LCMT1: variants seen among roughly 807,000 people sequenced by gnomAD.
LCMT1 encodes the protein [Phosphatase 2A protein]-leucine-carboxy methyltransferase 1.
LCMT1 carries 32 observed loss-of-function variants against 47.7 expected under a neutral mutation model. The ratio of observed to expected loss-of-function variants is 0.67; its 90% CI spans 0.51 to 0.90. The LOEUF (loss-of-function observed/expected upper bound fraction) is 0.90, where lower values mean the gene tolerates loss of function less well. LCMT1 is among the 40% of genes least tolerant of loss of function. The pLI is 0.00. For synonymous variants in LCMT1, 152 were observed against 149.7 expected (o/e 1.02, Z -0.11); for missense variants, 375 against 415.2 (o/e 0.90, Z 0.84).
rs950428576 is a variant in LCMT1 at position 25,112,014 on chromosome 16, G to C, written c.113+18G>C. On this transcript the variant is annotated intron_variant, in intron 1 of 10. Transcript: ENST00000399069. ...TGCAAGAGGTGCCTGTCGGGCGCGG[G>C]GTTCGGGGCCGGCATCTGGGGCGCG... 6.3e-7 allele frequency: 1 copy of C among 1,577,032 alleles called. No homozygotes were observed. The highest frequency in any genetic ancestry group is 1.3e-5 in the African/African-American group (1 of 74,346).
intron 1 of LCMT1, among the ~76,000 whole-genome samples, chr16:25,116,857 C>T (rs1469389154): frequency 6.6e-6 from 1 of 151,874 alleles, no homozygotes; most frequent in Non-Finnish European, 1.5e-5. Flanking sequence ...TGCCACTGCA[C>T]TGCAGCCTGA....
chr16:25,152,221 A>G (rs1198623351), intron 5 of LCMT1, among the ~76,000 whole-genome samples: 1 of 152,190 alleles, frequency 6.6e-6, no homozygotes, highest in Non-Finnish European at 1.5e-5. Context: ...GCAGTCAGGC[A>G]GTTGGGTTGG....
intron 6 of LCMT1, 46 bp from the exon 7 acceptor site, chr16:25,164,552 A>T (rs1246802020): frequency 6.2e-7 from 1 of 1,612,804 alleles, no homozygotes; most frequent in Non-Finnish European, 8.5e-7. Context: ...GAGGGTCCTG[A>T]CTTGATGATA....
chr16:25,140,947 C>T (rs1378543676), intron 4 of LCMT1: 1 of 149,974 alleles, frequency 6.7e-6, no homozygotes, highest in East Asian at 1.9e-4. Context: ...GAGATTTCAC[C>T]CTCTATTCTT....
intron 1 of LCMT1, among the ~76,000 whole-genome samples, chr16:25,120,266 C>T (rs919639370): frequency 4.0e-5 from 6 of 150,832 alleles, no homozygotes; most frequent in African/African-American, 1.5e-4. Flanking sequence ...TCTTGTTGCC[C>T]AGGCTGGAGT....
In LCMT1 at chr16:25,132,423, G is replaced by A; in HGVS notation, c.227G>A (p.Gly76Asp). ...INRGYFARVH[G>D]VSQLIKAFLR... is the part of the protein sequence containing the mutation. ...CTAGGATATTTTGCTCGAGTCCATG[G>A]TGTCAGTCAGCTTATAAAGGCATTT... The change falls in exon 3 of 11, where the codon GGT (glycine) becomes GAT (aspartate). Residue 76 changes from glycine to aspartate, a missense_variant. Gly to Asp is a moderately conservative substitution (Grantham distance 94). Transcript: ENST00000399069. The A allele has an allele frequency of 1.2e-6, 2 of 1,613,818 alleles. No individual in the cohort carries two copies. Among genetic ancestry groups the A allele is most frequent in the East Asian group, 2.2e-5 (1 of 44,878 alleles).
chr16:25,175,539 G>C (rs936375782), intron 10 of LCMT1, among the ~76,000 whole-genome samples: 3 of 152,104 alleles, frequency 2.0e-5, no homozygotes, highest in Non-Finnish European at 4.4e-5. Context: ...GGCTGAGGCA[G>C]GAGAATCACT....
intron 3 of LCMT1, among the ~76,000 whole-genome samples, chr16:25,135,642 T>C (rs1289845585): frequency 7.9e-5 from 12 of 152,202 alleles, no homozygotes; most frequent in African/African-American, 1.7e-4. Context: ...CCAGCCGGAA[T>C]GGTTCCTAGG....
At chr16:25,133,385 GTTTTTTTTTTTTTTT>G (rs1177872054) in intron 3 of LCMT1, among the ~76,000 whole-genome samples, 8 of 52,586 alleles carry the variant, frequency 1.5e-4, no homozygotes, top group East Asian at 8.3e-4. Context: ...CTGGGCTTAG[GTTTTTTTTTTTTTTT>G]TTTTTTTTTT....
intron 4 of LCMT1, chr16:25,142,947 G>A (rs1960738775): frequency 6.6e-6 from 1 of 152,184 alleles, no homozygotes; most frequent in African/African-American, 2.4e-5. Context: ...TTCCTTGTGA[G>A]TTGGCTGCAG....
At chr16:25,149,910 CAAAAAAAAA>C (rs34229848) in intron 4 of LCMT1, among the ~76,000 whole-genome samples, 1 of 60,200 alleles carries the variant, frequency 1.7e-5, no homozygotes. Flanking sequence ...AAGACTGTCT[CAAAAAAAAA>C]AAAAAAAAAA....
chr16:25,128,563 A>G lies in LCMT1; in HGVS notation c.202A>G (p.Arg68Gly). ...SKERKAPEIN[R>G]GYFARVHGVS... ...AGAGAGGAAAGCCCCTGAAATCAACAGAGGCAAGTGACCATCTCCCTCCCC... is the reference window on the plus strand; with the variant it reads ...AGAGAGGAAAGCCCCTGAAATCAACGGAGGCAAGTGACCATCTCCCTCCCC... The change falls in exon 2 of 11, where the codon AGA becomes GGA. Residue 68 changes from arginine (R) to glycine (G), a missense_variant. Coordinates refer to ENST00000399069, the MANE Select transcript of LCMT1 (RefSeq NM_016309.3). 1 of 1,595,444 alleles carries G rather than the reference A, an allele frequency of 6.3e-7. No individual in the cohort carries two copies. The highest frequency in any genetic ancestry group is 8.5e-7 in the Non-Finnish European group (1 of 1,170,202).
At chr16:25,150,024 T>A (rs1384174313) in intron 4 of LCMT1, among the ~76,000 whole-genome samples, 2 of 151,922 alleles carry the variant, frequency 1.3e-5, no homozygotes, top group African/African-American at 4.8e-5. Flanking sequence ...TTATTATAGA[T>A]GACATATTAT....
In LCMT1 at chr16:25,157,562, TA is replaced by T. The variant is rs57016905; in HGVS notation, c.467-3530del. ...TCTCAAAAAAAACCAGCAACAACAA[TA>T]AAAAAAAAACTGATTAGGACGATAA... On this transcript the variant is annotated intron_variant, in intron 5 of 10. Coordinates refer to ENST00000399069, the MANE Select transcript of LCMT1 (RefSeq NM_016309.3). Among the ~76,000 whole-genome samples, 1,351 of 146,436 alleles carry T rather than the reference TA, an allele frequency of 9.2e-3. 19 individuals carry two copies. The highest frequency in any genetic ancestry group is 0.032 in the African/African-American group (1,283 of 40,084).
chr16:25,119,938 A>G (rs1959915514), intron 1 of LCMT1, among the ~76,000 whole-genome samples: 1 of 152,024 alleles, frequency 6.6e-6, no homozygotes, highest in South Asian at 2.1e-4. Context: ...AGGCAAGCAG[A>G]TCATGAAGTC....
intron 6 of LCMT1, among the ~76,000 whole-genome samples, chr16:25,162,880 T>TTTTG (rs56087905): frequency 0.99 from 150,589 of 152,090 alleles, 74,574 homozygotes; most frequent in Middle Eastern, 1. Context: ...TTTTGGAACT[T>TTTTG]TTTGTTTGGA....
At chr16:25,128,361 T>G (rs1377863127) in intron 1 of LCMT1, 114 bp from the exon 2 acceptor site, 1 of 680,592 alleles carries the variant, frequency 1.5e-6, no homozygotes, top group Non-Finnish European at 2.5e-6. Context: ...CCTTTTGAGG[T>G]GGATGGTTGG....
intron 8 of LCMT1, 42 bp downstream of exon 8, chr16:25,169,255 C>A: frequency 7.8e-7 from 1 of 1,283,942 alleles, no homozygotes; most frequent in Admixed American, 1.7e-5. Context: ...GACCCTTAGT[C>A]AACCAAGATA....
chr16:25,150,920 C>T (rs1334002438), intron 4 of LCMT1, among the ~76,000 whole-genome samples: 7 of 152,134 alleles, frequency 4.6e-5, no homozygotes, highest in African/African-American at 1.7e-4. Context: ...GCTCTGGGAA[C>T]TGCAAAGTAC....
Sources: allele counts gnomAD v4.1 joint callset (sites outside exome capture counted in the v4.1 genomes callset), GRCh38; gene constraint gnomAD v4.1.1; transcripts MANE v1.5; gene names NCBI Gene and HGNC (gene_info 2026-07-23, HGNC 2026-07-21).